Variants in RPSA observed in about 807,000 individuals in gnomAD.
RPSA encodes the protein ribosomal protein SA.
For synonymous variants in RPSA, 103 were observed against 126.7 expected (o/e 0.81, Z 1.25); for missense variants, 140 against 372.8 (o/e 0.38, Z 5.14).
intron 2 of RPSA, chr3:39,408,348 GGAAAGA>G: frequency 3.0e-6 from 2 of 669,076 alleles, no homozygotes. Flanking sequence ...ATAAGTACAG[GGAAAGA>G]GAAAGGAAAG....
rs766433712 is a variant in RPSA at position 39,410,750 on chromosome 3, A to C, written c.253-4A>C. The C allele has an allele frequency of 1.5e-5, 24 of 1,613,728 alleles. No homozygotes were observed. The East Asian group carries it at 5.3e-4, about 36-fold the overall frequency. On this transcript the variant is annotated splice_region_variant and splice_polypyrimidine_tract_variant and intron_variant, in intron 3 of 6. Transcript: ENST00000301821. Reference sequence around the variant, plus strand: ...AGTACCACTAACTTTTAAATTCTTCAAAGAGGGCTGTGCTGAAGTTTGCTG... The same window carrying C: ...AGTACCACTAACTTTTAAATTCTTCCAAGAGGGCTGTGCTGAAGTTTGCTG...
At chr3:39,411,281 A>G (rs1392192) in intron 4 of RPSA, 197,675 of 674,368 alleles carry the variant, frequency 0.29, 30,325 homozygotes, top group Non-Finnish European at 0.32. Flanking sequence ...GCCTTTGTCC[A>G]TGTTTCTTGC....
chr3:39,411,729 C>T lies in RPSA; in HGVS notation c.579C>T (p.His193=). ...TGCGTGGCACCATTTCCCGTGAACA[C>T]CCATGGGAGGTCATGCCTGATCTGT... ...LRMRGTISRE[H]PWEVMPDLYF... Residue 193 remains histidine (H), a synonymous_variant, in exon 5 of 7, where the codon CAC becomes CAT. Transcript: ENST00000301821. 6.2e-7 allele frequency: 1 copy of T among 1,600,194 alleles called. No individual in the cohort carries two copies. Among genetic ancestry groups the T allele is most frequent in the South Asian group, 1.1e-5 (1 of 91,076 alleles).
At chr3:39,410,445 C>T (rs1232499090) in intron 3 of RPSA, 1 of 393,658 alleles carries the variant, frequency 2.5e-6, no homozygotes, top group Non-Finnish European at 4.8e-6. Context: ...AGAAAAAAGG[C>T]AGTTAGTTAT....
intron 3 of RPSA, 119 bp downstream of exon 3, chr3:39,408,843 A>G: frequency 1.4e-6 from 1 of 724,840 alleles, no homozygotes; most frequent in Non-Finnish European, 2.5e-6. Flanking sequence ...CTACGCCTGT[A>G]ATCCCAGCAC....
intron 4 of RPSA, chr3:39,411,345 A>G (rs1240498250): frequency 3.5e-6 from 2 of 573,662 alleles, no homozygotes; most frequent in East Asian, 3.4e-5. Flanking sequence ...GGGTTCTACT[A>G]TAAGATGCTA....
chr3:39,411,589 G>C, intron 4 of RPSA, 60 bp from the exon 5 acceptor site: 1 of 1,593,232 alleles, frequency 6.3e-7, no homozygotes. Context: ...GAGCCAGGAA[G>C]GTGCTTGCTG....
At chr3:39,411,136 C>A (rs2041999752) in intron 4 of RPSA, 137 bp downstream of exon 4, 4 of 1,035,886 alleles carry the variant, frequency 3.9e-6, no homozygotes, top group Admixed American at 3.4e-5. Flanking sequence ...ACATGAGGGG[C>A]AAGTTTTCGC....
chr3:39,410,532 T>G (rs926753925), intron 3 of RPSA: 2 of 565,036 alleles, frequency 3.5e-6, no homozygotes, highest in Non-Finnish European at 3.2e-6. Context: ...GGCCAGGTAG[T>G]GTTGCTAGGT....
intron 1 of RPSA, 33 bp from the exon 2 acceptor site, chr3:39,407,588 A>C: frequency 6.6e-7 from 1 of 1,525,136 alleles, no homozygotes; most frequent in East Asian, 2.2e-5. Flanking sequence ...AACTCAATGG[A>C]ATGAAAAGAA....
rs776509476 is a variant in RPSA, at chr3:39,408,881, G to A, written c.252+157G>A. 2.5e-4 allele frequency: 138 copies of A among 561,290 alleles called. 1 individual carries two copies. Among genetic ancestry groups the A allele is most frequent in the Non-Finnish European group, 2.6e-5 (8 of 311,556 alleles). The allele number at this position is 561,290 out of a possible 1,614,324, so 34.8% of individuals were successfully genotyped here. A position where few individuals can be genotyped will look rare whatever the true frequency, so the allele number is the denominator to read the frequency against. Reference sequence around the variant, plus strand: ...TGGGAGGTGGAGTCCGGCGTATTACGAGGTCAGGAGATCCACACCACGGTG... The same window carrying A: ...TGGGAGGTGGAGTCCGGCGTATTACAAGGTCAGGAGATCCACACCACGGTG... On this transcript the variant is annotated intron_variant, in intron 3 of 6. Transcript: ENST00000301821.
rs766379923 is a variant in RPSA, at chr3:39,408,480, GC to G, written c.134-125del. The stretch of plus-strand genomic sequence containing the variant: ...GTGCTATATCAATGGCAGGATTTTC[GC>G]TAACACCAGTAGAGCTTGCCTCTAT... On this transcript the variant is annotated intron_variant, in intron 2 of 6. Transcript: ENST00000301821. 3.8e-6 allele frequency: 3 copies of G among 782,050 alleles called. No homozygotes were observed. In the South Asian group the frequency reaches 4.1e-5, roughly 11 times the overall value. The allele number at this position is 782,050 out of a possible 1,614,324, so 48.4% of individuals were successfully genotyped here. A position where few individuals can be genotyped will look rare whatever the true frequency, so the allele number is the denominator to read the frequency against.
At chr3:39,411,096 C>G in intron 4 of RPSA, 97 bp downstream of exon 4, 1 of 1,462,492 alleles carries the variant, frequency 6.8e-7, no homozygotes, top group South Asian at 1.1e-5. Flanking sequence ...ACTGACTGGC[C>G]GATGAACTCG....
chr3:39,408,977 T>C lies in RPSA; in HGVS notation c.252+253T>C, dbSNP rs1315133199. 4 of 422,236 alleles carry C rather than the reference T, an allele frequency of 9.5e-6. No homozygotes were observed. In the Admixed American group the frequency reaches 1.4e-4, roughly 15 times the overall value. The allele number at this position is 422,236 out of a possible 1,614,324, so 26.2% of individuals were successfully genotyped here. A position where few individuals can be genotyped will look rare whatever the true frequency, so the allele number is the denominator to read the frequency against. On this transcript the variant is annotated intron_variant, in intron 3 of 6. Coordinates refer to ENST00000301821, the MANE Select transcript of RPSA (RefSeq NM_002295.6). ...GGCGGGTGCCTGTAGTCCCAGCTACTCAGGAGGCCAAAGTGGAGAATGGCG... is the reference window on the plus strand; with the variant it reads ...GGCGGGTGCCTGTAGTCCCAGCTACCCAGGAGGCCAAAGTGGAGAATGGCG...
intron 3 of RPSA, chr3:39,410,539 AG>A (rs754974597): frequency 8.7e-6 from 5 of 576,434 alleles, no homozygotes; most frequent in Non-Finnish European, 1.5e-5. Context: ...TAGTGTTGCT[AG>A]GTGCTCGGGA....
chr3:39,406,988 T>C (rs1304748362), intron 1 of RPSA: 3 of 451,762 alleles, frequency 6.6e-6, no homozygotes, highest in Non-Finnish European at 8.9e-6. Flanking sequence ...CAGCGGAGGC[T>C]CCGAGCTGGG....
At chr3:39,410,182 C>T (rs2041984186) in intron 3 of RPSA, 1 of 160,610 alleles carries the variant, frequency 6.2e-6, no homozygotes, top group African/African-American at 2.4e-5. Context: ...TAAGAAATGA[C>T]TAGTTAGTAA....
At chr3:39,407,824 A>C (rs1199723146) in intron 2 of RPSA, 38 bp downstream of exon 2, 2 of 1,572,558 alleles carry the variant, frequency 1.3e-6, no homozygotes, top group African/African-American at 1.3e-5. Context: ...CTCCAGCTGT[A>C]AGTACAAATT....
chr3:39,411,786 C>T lies in RPSA; in HGVS notation c.627+9C>T, dbSNP rs1027589103. On this transcript the variant is annotated intron_variant, in intron 5 of 6. Coordinates refer to ENST00000301821, the MANE Select transcript of RPSA (RefSeq NM_002295.6). ...ACAGAGATCCTGAAGAGGTAAGCTTCTCCAAAGGCTTGTGGTTACATAAGC... is the reference window on the plus strand; with the variant it reads ...ACAGAGATCCTGAAGAGGTAAGCTTTTCCAAAGGCTTGTGGTTACATAAGC... The T allele has an allele frequency of 4.4e-6, 7 of 1,599,656 alleles. No individual in the cohort carries two copies. Among genetic ancestry groups the T allele is most frequent in the Admixed American group, 1.7e-5 (1 of 60,000 alleles).
Sources: allele counts gnomAD v4.1 joint callset, GRCh38; gene constraint gnomAD v4.1.1; transcripts MANE v1.5; gene names NCBI Gene and HGNC (gene_info 2026-07-23, HGNC 2026-07-21).